Variants in ABHD12 observed in about 807,000 individuals in gnomAD.
ABHD12 encodes the protein abhydrolase domain containing 12, lysophospholipase.
A neutral mutation model predicts 58.3 loss-of-function variants in ABHD12; 43 were observed. That is an observed-to-expected ratio of 0.74 (90% CI 0.58 to 0.95). The LOEUF (loss-of-function observed/expected upper bound fraction) is 0.95, where lower values mean the gene tolerates loss of function less well. Ranked by LOEUF, ABHD12 falls within the 40% of genes least tolerant of loss-of-function variation. The pLI, the probability that ABHD12 is intolerant of heterozygous loss-of-function variation, is 0.00. For missense variants in ABHD12, 539 were observed against 537.2 expected, an observed-to-expected ratio of 1.00 and a Z score of -0.03; for synonymous variants, 219 against 211.2, an observed-to-expected ratio of 1.04 and a Z score of -0.32.
intron 1 of ABHD12, chr20:25,339,798 T>G (rs2089431365): frequency 8.1e-7 from 1 of 1,228,600 alleles, no homozygotes; most frequent in Non-Finnish European, 1.0e-6. Context: ...AGGAAGCACG[T>G]AGACCAAGGA....
intron 1 of ABHD12, among the ~76,000 whole-genome samples, chr20:25,374,798 C>G (rs1219885846): frequency 6.6e-6 from 1 of 152,172 alleles, no homozygotes; most frequent in Non-Finnish European, 1.5e-5. Context: ...CCACGCCCAG[C>G]CTACAGTGTT....
At chr20:25,303,061 C>T (rs951667419) in intron 11 of ABHD12, among the ~76,000 whole-genome samples, 1 of 152,236 alleles carries the variant, frequency 6.6e-6, no homozygotes, top group African/African-American at 2.4e-5. Context: ...ACAGCATGGT[C>T]TGGTTCTGGT....
intron 1 of ABHD12, among the ~76,000 whole-genome samples, chr20:25,360,227 CTT>C (rs576215687): frequency 3.7e-4 from 14 of 37,404 alleles, no homozygotes; most frequent in Non-Finnish European, 4.7e-4. Context: ...GAACACGTTA[CTT>C]TTTTTTTTTT....
At chr20:25,377,313 G>C (rs957183028) in intron 1 of ABHD12, among the ~76,000 whole-genome samples, 1 of 152,148 alleles carries the variant, frequency 6.6e-6, no homozygotes, top group Non-Finnish European at 1.5e-5. Context: ...AATGCATTTT[G>C]CATTACATCC....
chr20:25,353,420 A>C (rs960193863), intron 1 of ABHD12, among the ~76,000 whole-genome samples: 2 of 152,244 alleles, frequency 1.3e-5, no homozygotes, highest in Admixed American at 1.3e-4. Flanking sequence ...ATTTAAGCAG[A>C]ATATGCAGCA....
downstream of ABHD12, chr20:25,295,784 G>A: frequency 3.3e-6 from 4 of 1,212,468 alleles, no homozygotes; most frequent in South Asian, 2.5e-5. Flanking sequence ...GGCCAGAGGG[G>A]TTTGTGATTC....
chr20:25,379,147 G>A lies in ABHD12; in HGVS notation c.191+11366C>T, dbSNP rs536461151. Among the ~76,000 whole-genome samples the A allele has an allele frequency of 2.0e-5, 3 of 152,254 alleles. No homozygotes were observed. In the South Asian group the frequency reaches 6.2e-4, roughly 32 times the overall value. ...ACCCTCCATGCTGGGATGTGTGCAG[G>A]GACCCCGTGCAGGCTTCCCAGAGCA... On this transcript the variant is annotated intron_variant, in intron 1 of 12. Transcript: ENST00000339157.
At chr20:25,373,136 T>C (rs972741901) in intron 1 of ABHD12, among the ~76,000 whole-genome samples, 1 of 152,196 alleles carries the variant, frequency 6.6e-6, no homozygotes, top group Non-Finnish European at 1.5e-5. Flanking sequence ...GTAAATACAC[T>C]CTGATCTTCG....
chr20:25,339,101 T>C, intron 2 of ABHD12, 126 bp downstream of exon 2: 1 of 1,469,554 alleles, frequency 6.8e-7, no homozygotes. Context: ...ACACTTAAGA[T>C]ATGTACCCTT....
At position 25,320,273 on chromosome 20, in the gene ABHD12, G is replaced by C. The variant is rs773432339; in HGVS notation, c.468C>G (p.Asp156Glu). The C allele has an allele frequency of 1.2e-6, 2 of 1,614,128 alleles. No homozygotes were observed. The highest frequency in any genetic ancestry group is 1.3e-5 in the African/African-American group (1 of 75,070). Residue 156 changes from aspartate to glutamate, a missense_variant, in exon 4 of 13, where the codon GAC (aspartate) becomes GAG (glutamate). Physicochemically the swap from Asp to Glu is conservative, Grantham distance 45. Transcript: ENST00000339157. The part of the protein sequence containing the change: ...AVWWKNAQGK[D>E]QMWYEDALAS... The stretch of plus-strand genomic sequence containing the variant: ...CCAAGGCATCCTCATACCACATCTG[G>C]TCTTTGCCTTGGGCGTTCTTCCACC...
chr20:25,296,823 G>C (rs577638354), downstream of ABHD12: 7 of 396,346 alleles, frequency 1.8e-5, no homozygotes, highest in African/African-American at 1.2e-4. Flanking sequence ...CCACCTGCTG[G>C]GCTCCCCCAG....
At position 25,346,168 on chromosome 20, in the gene ABHD12, C is replaced by T. The variant is rs546320901; in HGVS notation, c.192-6817G>A. On this transcript the variant is annotated intron_variant, in intron 1 of 12. Coordinates refer to ENST00000339157, the MANE Select transcript of ABHD12 (RefSeq NM_001042472.3). ...CAATCAAGCCATGAAAAGAACATGG[C>T]AGAAACTTAATATTATTTAGTGAAG... 2.6e-5 allele frequency among the ~76,000 whole-genome samples: 4 copies of T among 152,236 alleles called. No individual in the cohort carries two copies. The East Asian group carries it at 7.7e-4, about 29-fold the overall frequency.
At chr20:25,380,375 T>C (rs755846148) in intron 1 of ABHD12, among the ~76,000 whole-genome samples, 3 of 152,178 alleles carry the variant, frequency 2.0e-5, no homozygotes, top group South Asian at 2.1e-4. Context: ...ATTATCAATA[T>C]AGTGGGCTGC....
chr20:25,361,437 C>T (rs1220059090), intron 1 of ABHD12, among the ~76,000 whole-genome samples: 1 of 152,064 alleles, frequency 6.6e-6, no homozygotes, highest in African/African-American at 2.4e-5. Flanking sequence ...ACTTGCTCAC[C>T]CAGGCTGGAG....
intron 1 of ABHD12, among the ~76,000 whole-genome samples, chr20:25,377,344 G>A (rs905238927): frequency 6.6e-6 from 1 of 152,184 alleles, no homozygotes; most frequent in Non-Finnish European, 1.5e-5. Flanking sequence ...GAGGCTAAGA[G>A]ACCTATTCTT....
At chr20:25,328,179 G>C (rs1049862914) in intron 2 of ABHD12, among the ~76,000 whole-genome samples, 4 of 151,846 alleles carry the variant, frequency 2.6e-5, no homozygotes, top group Non-Finnish European at 5.9e-5. Flanking sequence ...GAAGGCTCCC[G>C]ACCAGAGGAA....
chr20:25,303,738 G>A (rs921935199), intron 10 of ABHD12, 110 bp from the exon 11 acceptor site: 1 of 1,454,192 alleles, frequency 6.9e-7, no homozygotes, highest in Non-Finnish European at 9.4e-7. Context: ...GAAACAGCCT[G>A]ATTTCTGCTG....
At position 25,302,232 on chromosome 20, in the gene ABHD12, G is replaced by A. The variant is rs991573752; in HGVS notation, c.1144C>T (p.Pro382Ser). The A allele has an allele frequency of 4.3e-6, 7 of 1,613,354 alleles. No homozygotes were observed. In the Admixed American group the frequency reaches 8.3e-5, roughly 19 times the overall value. The change falls in exon 12 of 13, where the codon CCA becomes TCA. Residue 382 changes from proline (P) to serine (S), a missense_variant. Pro to Ser is a moderately conservative substitution (Grantham distance 74). Coordinates refer to ENST00000339157, the MANE Select transcript of ABHD12 (RefSeq NM_001042472.3). ...HKYIYKSPELPRILREFLGKS... is the reference protein window; with the variant it reads ...HKYIYKSPELSRILREFLGKS... ...AGAATGTCTCACCTCAGTATCCGTG[G>A]CAGCTCAGGGCTCTTGTAAATGTAT...
At chr20:25,376,758 C>T (rs2089967087) in intron 1 of ABHD12, among the ~76,000 whole-genome samples, 1 of 152,224 alleles carries the variant, frequency 6.6e-6, no homozygotes, top group South Asian at 2.1e-4. Context: ...ATTTTATCCA[C>T]TCTAGCCTTC....
Sources: allele counts gnomAD v4.1 joint callset (sites outside exome capture counted in the v4.1 genomes callset), GRCh38; gene constraint gnomAD v4.1.1; transcripts MANE v1.5; gene names NCBI Gene and HGNC (gene_info 2026-07-23, HGNC 2026-07-21).